CLIP1: variants seen among roughly 807,000 people sequenced by gnomAD.
The protein encoded by CLIP1 is CAP-Gly domain-containing linker protein 1.
In CLIP1, 66 loss-of-function variants were observed where a neutral mutation model predicts 161.6. That is an observed-to-expected ratio of 0.41 (90% CI 0.33 to 0.50). CLIP1 has a LOEUF of 0.50. CLIP1 is among the 20% of genes least tolerant of loss of function. The pLI, the probability that CLIP1 is intolerant of heterozygous loss-of-function variation, is 0.27. For missense variants in CLIP1, 1,376 were observed against 1,702.0 expected (o/e 0.81, Z 3.37); for synonymous variants, 598 against 626.2 (o/e 0.96, Z 0.67).
At chr12:122,298,365 T>C (rs886210741) in intron 20 of CLIP1, among the ~76,000 whole-genome samples, 8 of 152,072 alleles carry the variant, frequency 5.3e-5, no homozygotes, top group African/African-American at 1.7e-4. Context: ...TTGCAGCACT[T>C]TGGGAGGCCG....
intron 1 of CLIP1, among the ~76,000 whole-genome samples, chr12:122,421,813 GGTTC>G (rs1369950991): frequency 6.6e-6 from 1 of 152,204 alleles, no homozygotes; most frequent in Non-Finnish European, 1.5e-5. Flanking sequence ...GCAATCGCTA[GGTTC>G]TGCTTGTAAA....
chr12:122,404,908 A>C (rs11058010), intron 1 of CLIP1, among the ~76,000 whole-genome samples: 19,320 of 149,516 alleles, frequency 0.13, 1,676 homozygotes, highest in East Asian at 0.45. Context: ...TCAAAAAAAA[A>C]AAACAAAACA....
intron 20 of CLIP1, among the ~76,000 whole-genome samples, chr12:122,293,338 G>A (rs1950331420): frequency 6.6e-6 from 1 of 152,100 alleles, no homozygotes; most frequent in African/African-American, 2.4e-5. Context: ...TCCCTAGTTG[G>A]CAAATAGATT....
rs761266925 is a variant in CLIP1, at chr12:122,361,071, C to T, written c.893G>A (p.Arg298Gln). The T allele has an allele frequency of 1.3e-5, 21 of 1,614,142 alleles. No individual in the cohort carries two copies. Among genetic ancestry groups the T allele is most frequent in the East Asian group, 1.1e-4 (5 of 44,908 alleles). ...PAKAKANAVR[R>Q]VMATTSASLK... ...GCTGGCGGACGTGGTCGCCATCACTCGCCTCACTGCGTTGGCCTTGGCTTT... is the reference window on the plus strand; with the variant it reads ...GCTGGCGGACGTGGTCGCCATCACTTGCCTCACTGCGTTGGCCTTGGCTTT... The change falls in exon 5 of 26, where the codon CGA becomes CAA. Residue 298 changes from arginine to glutamine, a missense_variant. Arg to Gln is a conservative substitution (Grantham distance 43, BLOSUM62 1). This residue lies in a region of CLIP1 where 211 missense variants were observed against 295.1 expected (regional missense o/e 0.72). Coordinates refer to ENST00000620786, the MANE Select transcript of CLIP1 (RefSeq NM_001247997.2).
At chr12:122,392,221 T>G (rs923032895) in intron 1 of CLIP1, among the ~76,000 whole-genome samples, 1 of 151,952 alleles carries the variant, frequency 6.6e-6, no homozygotes, top group Non-Finnish European at 1.5e-5. Context: ...CAGTGACCTA[T>G]GATTACACGA....
intron 1 of CLIP1, among the ~76,000 whole-genome samples, chr12:122,381,502 C>T (rs1189076582): frequency 6.6e-6 from 1 of 152,122 alleles, no homozygotes; most frequent in Admixed American, 6.5e-5. Context: ...TTCTCTTCAC[C>T]TCCATAGAAA....
chr12:122,345,750 G>T (rs1002041413), intron 10 of CLIP1, among the ~76,000 whole-genome samples: 4 of 151,744 alleles, frequency 2.6e-5, no homozygotes, highest in African/African-American at 9.7e-5. Flanking sequence ...AAAAGGGTAT[G>T]TGACTACATA....
intron 20 of CLIP1, among the ~76,000 whole-genome samples, chr12:122,298,136 G>C (rs1360050651): frequency 6.6e-6 from 1 of 152,094 alleles, no homozygotes; most frequent in African/African-American, 2.4e-5. Context: ...GCTGCCCCGA[G>C]AGCATACTTC....
chr12:122,304,544 T>C (rs768466490), intron 20 of CLIP1, among the ~76,000 whole-genome samples: 1 of 152,128 alleles, frequency 6.6e-6, no homozygotes, highest in Non-Finnish European at 1.5e-5. Context: ...TATTTGTTAT[T>C]AGAGATGGGG....
chr12:122,323,479 C>T lies in CLIP1; in HGVS notation c.3250-4131G>A, dbSNP rs957495297. 1 of 152,642 alleles carries T rather than the reference C, an allele frequency of 6.6e-6. No homozygotes were observed. The highest frequency in any genetic ancestry group is 1.5e-5 in the Non-Finnish European group (1 of 68,056). 9.5% of individuals were successfully genotyped at this position (152,642 alleles called of 1,614,324 possible). On this transcript the variant is annotated intron_variant, in intron 17 of 25. Transcript: ENST00000620786. This position sits in a 1 kb window ranked among gnomAD's most constrained non-coding sequence, Gnocchi z 4.1. ...GCTTCGTGAGGCTTGTGTTTGCGGC[C>T]TCGAGTTGCACGGTCTCCAGCTCTG...
intron 7 of CLIP1, among the ~76,000 whole-genome samples, chr12:122,353,579 A>AG: frequency 6.6e-6 from 1 of 151,992 alleles, no homozygotes; most frequent in Non-Finnish European, 1.5e-5. Flanking sequence ...ACACCAGTGC[A>AG]CTCCAGCCTG....
intron 2 of CLIP1, among the ~76,000 whole-genome samples, chr12:122,379,171 A>G (rs1383189624): frequency 2.7e-5 from 4 of 147,392 alleles, no homozygotes; most frequent in African/African-American, 1.0e-4. Context: ...AGCCAGGCAT[A>G]GTGGTGGGTG....
chr12:122,352,862 CAAAA>C (rs1171946270), intron 7 of CLIP1, 76 bp from the exon 8 acceptor site: 7 of 1,285,740 alleles, frequency 5.4e-6, no homozygotes, highest in Non-Finnish European at 7.9e-6. Flanking sequence ...AACAAACAAA[CAAAA>C]AAACACGTTG....
intron 20 of CLIP1, among the ~76,000 whole-genome samples, chr12:122,298,781 CCT>C (rs1403868539): frequency 2.6e-5 from 4 of 151,768 alleles, no homozygotes; most frequent in African/African-American, 9.7e-5. Context: ...ATAGCAAAAC[CCT>C]GTCTCTACTA....
At chr12:122,418,870 CAG>C (rs1956842228) in intron 1 of CLIP1, among the ~76,000 whole-genome samples, 1 of 152,160 alleles carries the variant, frequency 6.6e-6, no homozygotes, top group Non-Finnish European at 1.5e-5. Flanking sequence ...TTTGACCTCT[CAG>C]AGAAGAAAGA....
At chr12:122,288,939 C>T (rs1033086905) in intron 20 of CLIP1, among the ~76,000 whole-genome samples, 14 of 150,018 alleles carry the variant, frequency 9.3e-5, no homozygotes, top group African/African-American at 3.2e-4. Flanking sequence ...CCTCAGCCTC[C>T]CGAGTAGCTG....
chr12:122,327,540 A>T (rs1331699629), intron 17 of CLIP1, among the ~76,000 whole-genome samples: 1 of 151,870 alleles, frequency 6.6e-6, no homozygotes. Context: ...TTGCTTGCTT[A>T]CTTCATGTGA....
Position 122,278,864 on chromosome 12 carries a change from T to C in CLIP1, c.3844A>G (p.Lys1282Glu). ...AAGTTCTTTACCTTGAGCTCGAGCT[T>C]CACCTTATCAGACTCTAGAGTCTGA... The part of the protein sequence containing the change: ...VVQTLESDKV[K>E]LELKVKNLEL... The change falls in exon 23 of 26, where the codon AAG becomes GAG. Residue 1282 changes from lysine to glutamate, a missense_variant. Around this residue, in one of 6 missense-constraint regions of CLIP1, gnomAD observed 948 missense variants for 1,134.8 expected, o/e 0.84. Transcript: ENST00000620786. 1 of 1,613,308 alleles carries C rather than the reference T, an allele frequency of 6.2e-7. No individual in the cohort carries two copies. The highest frequency in any genetic ancestry group is 8.5e-7 in the Non-Finnish European group (1 of 1,179,714).
chr12:122,422,812 C>A (rs1012840103), upstream of CLIP1, among the ~76,000 whole-genome samples: 1 of 148,762 alleles, frequency 6.7e-6, no homozygotes, highest in African/African-American at 2.4e-5. Context: ...TCTTTGTCTG[C>A]GCCCACCGCG....
Sources: allele counts gnomAD v4.1 joint callset (sites outside exome capture counted in the v4.1 genomes callset), GRCh38; gene constraint gnomAD v4.1.1; regional missense constraint gnomAD v4.1.1; non-coding constraint Gnocchi (gnomAD v3.1); transcripts MANE v1.5; gene names NCBI Gene and HGNC (gene_info 2026-07-23, HGNC 2026-07-21).